The following PARD3 variants were observed in gnomAD, a reference collection of about 807,000 sequenced individuals.
PARD3 encodes the protein par-3 family cell polarity regulator, also known as partitioning defective 3 homolog.
A neutral mutation model predicts 155.4 loss-of-function variants in PARD3; 75 were observed. That is an observed-to-expected ratio of 0.48 (90% confidence interval 0.40 to 0.58). The LOEUF (loss-of-function observed/expected upper bound fraction) is 0.58. PARD3 is among the 20% of genes least tolerant of loss of function. PARD3 has a pLI of 0.00. For missense variants in PARD3, 1,642 were observed against 1,721.7 expected (o/e 0.95, Z 0.82); for synonymous variants, 576 against 610.5 (o/e 0.94, Z 0.83).
chr10:34,774,245 C>T (rs1026818961), intron 1 of PARD3, among the ~76,000 whole-genome samples: 1 of 152,210 alleles, frequency 6.6e-6, no homozygotes, highest in Non-Finnish European at 1.5e-5. Flanking sequence ...AGCACTACAT[C>T]CTATAGATCT....
chr10:34,623,993 AAAGTC>A (rs1237101474), intron 2 of PARD3, among the ~76,000 whole-genome samples: 2 of 151,962 alleles, frequency 1.3e-5, no homozygotes, highest in Admixed American at 1.3e-4. Context: ...AAAAAAAAAA[AAAGTC>A]AGCGCGCATG....
chr10:34,341,829 A>G lies in PARD3; in HGVS notation c.2219-13T>C, dbSNP rs769204027. The G allele has an allele frequency of 2.4e-5, 37 of 1,540,718 alleles. No homozygotes were observed. The East Asian group carries it at 8.3e-4, about 34-fold the overall frequency. ...AGCTGGTATTTACCTGTCCAGTGAA[A>G]AAAGAAGAAGAGAAAATTCTAGACA... On this transcript the variant is annotated splice_polypyrimidine_tract_variant and intron_variant, in intron 15 of 24. Coordinates refer to ENST00000374788, the MANE Select transcript of PARD3 (RefSeq NM_001184785.2).
At position 34,727,878 on chromosome 10, in the gene PARD3, C is replaced by CCACACACACA. The variant is rs61342514; in HGVS notation, c.121-31469_121-31460dup. Among the ~76,000 whole-genome samples, 751 of 144,704 alleles carry CCACACACACA rather than the reference C, an allele frequency of 5.2e-3. 6 individuals are homozygous for CCACACACACA. The highest frequency in any genetic ancestry group is 0.014 in the African/African-American group (531 of 38,484). The allele number at this position is 144,704 out of a possible 152,430, so 94.9% of individuals were successfully genotyped here. On this transcript the variant is annotated intron_variant, in intron 1 of 24. Transcript: ENST00000374788. ...ACAAGTATGCAACCCCCTCCCTCCG[C>CCACACACACA]CACACACACACACACACACACACAC...
chr10:34,341,924 T>C (rs907937542), intron 15 of PARD3, 108 bp from the exon 16 acceptor site: 7 of 647,540 alleles, frequency 1.1e-5, no homozygotes, highest in Middle Eastern at 7.7e-4. Context: ...TTTCCACATA[T>C]CTGCTCAACC....
At chr10:34,793,030 T>G (rs1246207579) in intron 1 of PARD3, among the ~76,000 whole-genome samples, 1 of 152,180 alleles carries the variant, frequency 6.6e-6, no homozygotes, top group Non-Finnish European at 1.5e-5. Flanking sequence ...GGACAATGCC[T>G]GGGGCTGCAG....
At position 34,191,879 on chromosome 10, in the gene PARD3, A is replaced by G. The variant is rs575285628; in HGVS notation, c.3420-60296T>C. Among the ~76,000 whole-genome samples the G allele has an allele frequency of 1.2e-3, 176 of 152,298 alleles. 1 individual carries two copies. The highest frequency in any genetic ancestry group is 2.0e-3 in the Non-Finnish European group (139 of 68,018). ...GAGAATTTGTACACTGCACATGATC[A>G]AAACTTAATGAATGATTTCTCCTCT... is the stretch of plus-strand genomic sequence containing the variant. On this transcript the variant is annotated intron_variant, in intron 22 of 24. Transcript: ENST00000374788.
intron 20 of PARD3, among the ~76,000 whole-genome samples, chr10:34,299,741 A>T (rs1957065488): frequency 6.6e-6 from 1 of 152,220 alleles, no homozygotes; most frequent in Non-Finnish European, 1.5e-5. Context: ...AATGCTATAT[A>T]AATTTTTCTG....
intron 4 of PARD3, among the ~76,000 whole-genome samples, chr10:34,461,897 A>C (rs1368732489): frequency 6.6e-6 from 1 of 152,168 alleles, no homozygotes; most frequent in Admixed American, 6.5e-5. Flanking sequence ...TTTTATCAAT[A>C]ACACCTTAGG....
intron 2 of PARD3, among the ~76,000 whole-genome samples, chr10:34,616,264 C>T (rs2091245950): frequency 1.3e-5 from 2 of 152,068 alleles, no homozygotes; most frequent in African/African-American, 4.8e-5. Flanking sequence ...TTGCAGTGAG[C>T]TAAGATCGTG....
intron 20 of PARD3, among the ~76,000 whole-genome samples, chr10:34,288,590 A>G (rs150854792): frequency 9.9e-4 from 151 of 152,324 alleles, no homozygotes; most frequent in African/African-American, 3.2e-3. Context: ...CTATACATAT[A>G]CTCGCAAAGA....
intron 20 of PARD3, among the ~76,000 whole-genome samples, chr10:34,307,752 G>A (rs1175519957): frequency 1.3e-5 from 2 of 152,178 alleles, no homozygotes; most frequent in Non-Finnish European, 2.9e-5. Context: ...GTTTGGCAAT[G>A]GGCATCTGTT....
chr10:34,795,287 G>C (rs1842124554), intron 1 of PARD3, among the ~76,000 whole-genome samples: 1 of 152,184 alleles, frequency 6.6e-6, no homozygotes, highest in Non-Finnish European at 1.5e-5. Context: ...GGTCCGGAGG[G>C]AGATGCCCAA....
At chr10:34,490,246 G>T (rs1010297286) in intron 3 of PARD3, among the ~76,000 whole-genome samples, 1 of 152,140 alleles carries the variant, frequency 6.6e-6, no homozygotes, top group African/African-American at 2.4e-5. Flanking sequence ...CAGGGAAAAA[G>T]AAAGACCATG....
intron 1 of PARD3, among the ~76,000 whole-genome samples, chr10:34,733,688 T>C (rs1427603576): frequency 1.3e-5 from 2 of 152,124 alleles, no homozygotes; most frequent in Non-Finnish European, 2.9e-5. Flanking sequence ...TTGAGATCTG[T>C]GGGGTTTCCC....
intron 2 of PARD3, among the ~76,000 whole-genome samples, chr10:34,563,532 ATT>A (rs3041201): frequency 0.14 from 19,882 of 144,256 alleles, 2,024 homozygotes; most frequent in African/African-American, 0.3. Context: ...ACGCCTGCTA[ATT>A]TTTTTTTTTT....
chr10:34,317,475 C>T (rs1958080172), intron 19 of PARD3, 137 bp from the exon 20 acceptor site: 3 of 857,720 alleles, frequency 3.5e-6, no homozygotes, highest in Non-Finnish European at 3.5e-6. Flanking sequence ...GACTGCAATG[C>T]TGTTTAACTT....
At chr10:34,475,358 A>T (rs1236853642) in intron 3 of PARD3, among the ~76,000 whole-genome samples, 1 of 152,242 alleles carries the variant, frequency 6.6e-6, no homozygotes, top group Non-Finnish European at 1.5e-5. Context: ...CTCAGCTGCC[A>T]TATGAAAAAG....
At chr10:34,420,331 GAA>G (rs1217137740) in intron 5 of PARD3, among the ~76,000 whole-genome samples, 5 of 152,188 alleles carry the variant, frequency 3.3e-5, no homozygotes, top group African/African-American at 1.2e-4. Flanking sequence ...GTAGATACGT[GAA>G]GAGGGATTTC....
intron 7 of PARD3, among the ~76,000 whole-genome samples, chr10:34,395,409 G>A (rs993997139): frequency 6.6e-6 from 1 of 152,118 alleles, no homozygotes; most frequent in Non-Finnish European, 1.5e-5. Context: ...GTAATGAAAC[G>A]TTTTAGGTAA....
Sources: gnomAD v4.1 joint callset for allele counts (sites outside exome capture counted in the v4.1 genomes callset) on GRCh38, gnomAD v4.1.1 for gene constraint, MANE v1.5 for transcripts, NCBI Gene and HGNC (gene_info 2026-07-23, HGNC 2026-07-21) for gene names.